Variants in SPTLC2 observed in about 807,000 individuals in gnomAD.
The protein encoded by SPTLC2 is serine palmitoyltransferase long chain base subunit 2, also known as serine palmitoyltransferase 2.
SPTLC2 carries 21 observed loss-of-function variants against 62.0 expected under a neutral mutation model. The observed-to-expected ratio is 0.34, with a 90% CI of 0.24 to 0.49. The LOEUF (loss-of-function observed/expected upper bound fraction) is 0.49. Among genes scored for constraint, SPTLC2 ranks in the 20% least tolerant of loss-of-function variants. The probability of loss-of-function intolerance (pLI) is 0.99; values close to 1 mark genes in which losing one functional copy is unlikely to be tolerated. For missense variants in SPTLC2, 511 were observed against 713.0 expected, an observed-to-expected ratio of 0.72 and a Z score of 3.23; for synonymous variants, 261 against 261.8, an observed-to-expected ratio of 1.00 and a Z score of 0.03.
At chr14:77,525,827 T>C (rs2139997553) in intron 9 of SPTLC2, among the ~76,000 whole-genome samples, 1 of 152,222 alleles carries the variant, frequency 6.6e-6, no homozygotes, top group East Asian at 1.9e-4. Flanking sequence ...GGCGAGAGAA[T>C]GGCATGAACC....
Position 77,513,016 on chromosome 14 carries a change from CTTTTTTTTTTTT to C in SPTLC2, c.1570-625_1570-614del, listed in dbSNP as rs1190713237. 9.9e-3 allele frequency among the ~76,000 whole-genome samples: 620 copies of C among 62,852 alleles called. 7 individuals are homozygous for C. Among genetic ancestry groups the C allele is most frequent in the African/African-American group, 0.037 (587 of 15,916 alleles). 41.2% of individuals were successfully genotyped at this position (62,852 alleles called of 152,430 possible). On this transcript the variant is annotated intron_variant, in intron 11 of 11. Transcript: ENST00000216484. ...AGGCGTAAGCCAACGAACCCAGCAACTTTTTTTTTTTTTTTTTTTTTTTTTTTGAGACAGAGT... is the reference window on the plus strand; with the variant it reads ...AGGCGTAAGCCAACGAACCCAGCAACTTTTTTTTTTTTTTTGAGACAGAGT...
intron 2 of SPTLC2, among the ~76,000 whole-genome samples, chr14:77,595,916 GGTTT>G (rs2079844431): frequency 6.6e-6 from 1 of 152,036 alleles, no homozygotes; most frequent in Non-Finnish European, 1.5e-5. Flanking sequence ...AGAACACACA[GGTTT>G]GTTTTATTTT....
chr14:77,598,485 A>T (rs2079860256), intron 1 of SPTLC2, among the ~76,000 whole-genome samples: 1 of 152,236 alleles, frequency 6.6e-6, no homozygotes, highest in South Asian at 2.1e-4. Flanking sequence ...AATATTTGTA[A>T]ATGTTTTACT....
At chr14:77,611,472 A>AG (rs1335670160) in intron 1 of SPTLC2, among the ~76,000 whole-genome samples, 18 of 151,612 alleles carry the variant, frequency 1.2e-4, no homozygotes, top group African/African-American at 2.9e-4. Flanking sequence ...AAAAAAAAAA[A>AG]AAAGAAAGAA....
chr14:77,535,084 C>T (rs2079462319), intron 9 of SPTLC2, among the ~76,000 whole-genome samples: 2 of 152,194 alleles, frequency 1.3e-5, no homozygotes, highest in South Asian at 4.1e-4. Flanking sequence ...TGCGCCACCA[C>T]ACCTGGCTAA....
intron 5 of SPTLC2, among the ~76,000 whole-genome samples, chr14:77,563,866 A>T (rs2079628133): frequency 6.6e-6 from 1 of 152,220 alleles, no homozygotes; most frequent in Admixed American, 6.5e-5. Context: ...GGAATACTTA[A>T]GAAACTTGTA....
In SPTLC2 at chr14:77,561,181, T is replaced by C. The variant is rs75383302; in HGVS notation, c.850+1215A>G. 4.3e-3 allele frequency among the ~76,000 whole-genome samples: 653 copies of C among 152,144 alleles called. 4 individuals are homozygous for C. The highest frequency in any genetic ancestry group is 0.014 in the African/African-American group (586 of 41,514). On this transcript the variant is annotated intron_variant, in intron 6 of 11. Transcript: ENST00000216484. ...ACTGTAACTGTAGTGCTGTTCCCAG[T>C]AGAAAAATTTAGAAACAGCCCCGAT... is the stretch of plus-strand genomic sequence containing the variant.
At chr14:77,602,077 C>T (rs1359181829) in intron 1 of SPTLC2, among the ~76,000 whole-genome samples, 1 of 150,762 alleles carries the variant, frequency 6.6e-6, no homozygotes, top group Non-Finnish European at 1.5e-5. Flanking sequence ...GCTCCCCAAC[C>T]CCCTTCTCCG....
At chr14:77,521,785 C>T (rs894256138) in intron 9 of SPTLC2, among the ~76,000 whole-genome samples, 6 of 152,112 alleles carry the variant, frequency 3.9e-5, no homozygotes, top group Non-Finnish European at 7.4e-5. Context: ...TACCTGTTAA[C>T]AGCAGAAGTT....
intron 6 of SPTLC2, among the ~76,000 whole-genome samples, chr14:77,559,642 C>A (rs2079604170): frequency 6.6e-6 from 1 of 152,128 alleles, no homozygotes; most frequent in Admixed American, 6.5e-5. Context: ...GTAATCCCAG[C>A]ATTTTGGGAG....
At position 77,512,035 on chromosome 14, in the gene SPTLC2, T is replaced by C; in HGVS notation, c.*249A>G. The C allele has an allele frequency of 1.9e-6, 1 of 523,452 alleles. No homozygotes were observed. The highest frequency in any genetic ancestry group is 3.4e-6 in the Non-Finnish European group (1 of 291,176). The allele number at this position is 523,452 out of a possible 1,614,324, so 32.4% of individuals were successfully genotyped here. A position where few individuals can be genotyped will look rare whatever the true frequency, so the allele number is the denominator to read the frequency against. ...AGAATGGTTGCAAAATAAAATGTTT[T>C]TTTAATGGACTGAAAAAGCAAAGTG... On this transcript the variant is annotated 3_prime_UTR_variant, in exon 12 of 12. Transcript: ENST00000216484.
intron 10 of SPTLC2, among the ~76,000 whole-genome samples, chr14:77,518,752 G>A (rs942140248): frequency 2.0e-5 from 3 of 152,324 alleles, no homozygotes; most frequent in Non-Finnish European, 2.9e-5. Context: ...GGGATCTGCT[G>A]TAACACGGCA....
At chr14:77,528,787 T>G (rs1158932476) in intron 9 of SPTLC2, among the ~76,000 whole-genome samples, 1 of 151,842 alleles carries the variant, frequency 6.6e-6, no homozygotes, top group Non-Finnish European at 1.5e-5. Flanking sequence ...TGAAGCTAAC[T>G]GTCAATCTTT....
intron 2 of SPTLC2, among the ~76,000 whole-genome samples, chr14:77,588,800 A>G (rs932850929): frequency 3.3e-5 from 5 of 151,966 alleles, no homozygotes; most frequent in African/African-American, 1.2e-4. Context: ...CAGAAGTTCA[A>G]GATCAGCCTG....
intron 2 of SPTLC2, among the ~76,000 whole-genome samples, chr14:77,588,417 G>A (rs1478250787): frequency 2.0e-5 from 3 of 152,030 alleles, no homozygotes; most frequent in Non-Finnish European, 2.9e-5. Context: ...ATAGTTGGAC[G>A]CAGTGGTGGA....
intron 9 of SPTLC2, among the ~76,000 whole-genome samples, chr14:77,539,446 T>C (rs1218167142): frequency 6.7e-6 from 1 of 148,424 alleles, no homozygotes; most frequent in Non-Finnish European, 1.5e-5. Context: ...TTGTTTATTC[T>C]GAGAATTCAA....
At chr14:77,592,221 G>A (rs905927746) in intron 2 of SPTLC2, among the ~76,000 whole-genome samples, 12 of 150,882 alleles carry the variant, frequency 8.0e-5, no homozygotes, top group East Asian at 2.0e-4. Flanking sequence ...TGCAACTTCC[G>A]CCTCCCAGGT....
At chr14:77,515,203 T>C (rs1012869927) in intron 11 of SPTLC2, among the ~76,000 whole-genome samples, 18 of 152,316 alleles carry the variant, frequency 1.2e-4, no homozygotes, top group Admixed American at 6.5e-4. Context: ...AATTAAGAAG[T>C]GTGAGTCCTC....
chr14:77,554,149 G>A (rs1232069789), intron 8 of SPTLC2, among the ~76,000 whole-genome samples: 1 of 152,152 alleles, frequency 6.6e-6, no homozygotes, highest in African/African-American at 2.4e-5. Flanking sequence ...AATATTGAGT[G>A]GTGAAGCAAA....
Sources: allele counts gnomAD v4.1 joint callset (sites outside exome capture counted in the v4.1 genomes callset), GRCh38; gene constraint gnomAD v4.1.1; transcripts MANE v1.5; gene names NCBI Gene and HGNC (gene_info 2026-07-23, HGNC 2026-07-21).